Variants in ADARB2 observed in about 807,000 individuals in gnomAD.
ADARB2 encodes the protein inactive double-stranded RNA-specific editase B2.
ADARB2 carries 25 observed loss-of-function variants against 62.2 expected under a neutral mutation model. That is an observed-to-expected ratio of 0.40 (90% CI 0.29 to 0.56). The LOEUF (loss-of-function observed/expected upper bound fraction) is 0.56, where lower values mean the gene tolerates loss of function less well. Ranked by LOEUF, ADARB2 falls within the 20% of genes least tolerant of loss-of-function variation. ADARB2 has a pLI of 0.43. For synonymous variants in ADARB2, 572 were observed against 500.8 expected (o/e 1.14, Z -1.90); for missense variants, 1,071 against 1,077.4 (o/e 0.99, Z 0.08).
At chr10:1,508,100 G>A (rs1277568254) in intron 1 of ADARB2, among the ~76,000 whole-genome samples, 2 of 152,180 alleles carry the variant, frequency 1.3e-5, no homozygotes, top group African/African-American at 4.8e-5. Flanking sequence ...GTCAAGTGAG[G>A]TCGCGTGTGA....
At chr10:1,641,237 T>C (rs1412189827) in intron 1 of ADARB2, among the ~76,000 whole-genome samples, 1 of 152,198 alleles carries the variant, frequency 6.6e-6, no homozygotes, top group East Asian at 1.9e-4. Flanking sequence ...AATCTAGCAT[T>C]GACAAAGCAT....
intron 1 of ADARB2, among the ~76,000 whole-genome samples, chr10:1,408,095 A>G (rs947032538): frequency 6.6e-6 from 1 of 152,236 alleles, no homozygotes; most frequent in Non-Finnish European, 1.5e-5. Context: ...TATTAGACGA[A>G]TAGAAATTGG....
chr10:1,417,636 G>T (rs1287418753), intron 1 of ADARB2, among the ~76,000 whole-genome samples: 1 of 152,206 alleles, frequency 6.6e-6, no homozygotes, highest in Non-Finnish European at 1.5e-5. Context: ...GCTCTCTTTT[G>T]TCTGGGTTCT....
At chr10:1,699,345 C>T (rs1443481228) in intron 1 of ADARB2, among the ~76,000 whole-genome samples, 1 of 20,136 alleles carries the variant, frequency 5.0e-5, no homozygotes, top group African/African-American at 1.6e-4. Context: ...CCCACTCCAC[C>T]GGGAGACCAG....
At chr10:1,269,397 C>G (rs1458837295) in intron 4 of ADARB2, among the ~76,000 whole-genome samples, 1 of 152,166 alleles carries the variant, frequency 6.6e-6, no homozygotes, top group Non-Finnish European at 1.5e-5. Flanking sequence ...CTTTGTATGC[C>G]AGGCACTGAC....
chr10:1,636,690 C>G (rs779180784), intron 1 of ADARB2, among the ~76,000 whole-genome samples: 2 of 150,374 alleles, frequency 1.3e-5, no homozygotes, highest in Admixed American at 6.7e-5. Flanking sequence ...AGATAGATAT[C>G]TATCTATCTA....
At position 1,250,044 on chromosome 10, in the gene ADARB2, T is replaced by A. The variant is rs376486489; in HGVS notation, c.1193-7745A>T. On this transcript the variant is annotated intron_variant, in intron 4 of 9. Coordinates refer to ENST00000381312, the MANE Select transcript of ADARB2 (RefSeq NM_018702.4). ...GACTATAGTGAATAAAACTTAAAAA[T>A]CCTATTGAAGGACACAACAAAATTT... Among the ~76,000 whole-genome samples, 158 of 149,252 alleles carry A rather than the reference T, an allele frequency of 1.1e-3. 13 individuals carry two copies. In the South Asian group the frequency reaches 0.035, roughly 33 times the overall value.
chr10:1,385,939 A>G (rs1832521741), intron 1 of ADARB2, among the ~76,000 whole-genome samples: 1 of 152,136 alleles, frequency 6.6e-6, no homozygotes, highest in Non-Finnish European at 1.5e-5. Context: ...ATGACAGAAT[A>G]CAAATCAAAA....
chr10:1,449,100 C>T (rs2131900372), intron 1 of ADARB2, among the ~76,000 whole-genome samples: 1 of 152,322 alleles, frequency 6.6e-6, no homozygotes, highest in African/African-American at 2.4e-5. Context: ...TGCCTCCATC[C>T]TCGGTCTTTC....
chr10:1,614,867 C>T (rs946429513), intron 1 of ADARB2, among the ~76,000 whole-genome samples: 25 of 151,148 alleles, frequency 1.7e-4, no homozygotes, highest in African/African-American at 4.6e-4. Context: ...GCTGAGATCG[C>T]GCCAGTGCAC....
chr10:1,665,124 G>A (rs1484272365), intron 1 of ADARB2, among the ~76,000 whole-genome samples: 1 of 152,142 alleles, frequency 6.6e-6, no homozygotes, highest in African/African-American at 2.4e-5. Flanking sequence ...CCCACAGGAA[G>A]TACTGGAATC....
chr10:1,458,546 T>C (rs941252753), intron 1 of ADARB2, among the ~76,000 whole-genome samples: 7 of 152,226 alleles, frequency 4.6e-5, no homozygotes, highest in African/African-American at 1.7e-4. Flanking sequence ...TGGGAGAGGC[T>C]CACCTATGCA....
chr10:1,685,837 GGCT>G (rs1834590620), intron 1 of ADARB2, among the ~76,000 whole-genome samples: 1 of 152,180 alleles, frequency 6.6e-6, no homozygotes, highest in African/African-American at 2.4e-5. Context: ...TGCCCCATGG[GGCT>G]GGGCTGGGGG....
chr10:1,616,844 A>T, intron 1 of ADARB2, among the ~76,000 whole-genome samples: 2 of 107,940 alleles, frequency 1.9e-5, no homozygotes, highest in South Asian at 3.4e-4. Context: ...GACACACTCC[A>T]CACCGCCCTG....
At chr10:1,384,631 T>A (rs1832510421) in intron 1 of ADARB2, among the ~76,000 whole-genome samples, 1 of 152,106 alleles carries the variant, frequency 6.6e-6, no homozygotes, top group Non-Finnish European at 1.5e-5. Flanking sequence ...AGCATGAGAG[T>A]GCACCCCACA....
chr10:1,679,148 A>T (rs1182829561), intron 1 of ADARB2, among the ~76,000 whole-genome samples: 2 of 152,184 alleles, frequency 1.3e-5, no homozygotes. Flanking sequence ...CTTTCCGAAG[A>T]TAACCCAGCT....
At chr10:1,625,064 G>A (rs2132028935) in intron 1 of ADARB2, among the ~76,000 whole-genome samples, 1 of 152,306 alleles carries the variant, frequency 6.6e-6, no homozygotes, top group Admixed American at 6.5e-5. Flanking sequence ...ACTGTCTGGG[G>A]AAATGTGAAT....
chr10:1,374,352 G>A (rs1165003394), intron 2 of ADARB2, among the ~76,000 whole-genome samples: 2 of 152,160 alleles, frequency 1.3e-5, no homozygotes, highest in East Asian at 1.9e-4. Context: ...CTTCTCCCAC[G>A]GGCACCCTCC....
At chr10:1,415,124 TGATGGGTA>T (rs963895183) in intron 1 of ADARB2, among the ~76,000 whole-genome samples, 1 of 149,968 alleles carries the variant, frequency 6.7e-6, no homozygotes, top group Admixed American at 6.6e-5. Context: ...GGCAGAGGGA[TGATGGGTA>T]GATGGGTGGA....
Sources: allele counts gnomAD v4.1 joint callset (sites outside exome capture counted in the v4.1 genomes callset), GRCh38; gene constraint gnomAD v4.1.1; transcripts MANE v1.5; gene names NCBI Gene and HGNC (gene_info 2026-07-23, HGNC 2026-07-21).